Variants in XPA observed in about 807,000 individuals in gnomAD.
XPA encodes the protein XPA, DNA damage recognition and repair factor, also known as DNA repair protein complementing XP-A cells.
A neutral mutation model predicts 35.7 loss-of-function variants in XPA; 27 were observed. The ratio of observed to expected loss-of-function variants is 0.76; its 90% CI spans 0.56 to 1.04. XPA has a LOEUF of 1.04. XPA is among the 50% of genes least tolerant of loss of function. The pLI, the probability that XPA is intolerant of heterozygous loss-of-function variation, is 0.00. For synonymous variants in XPA, 133 were observed against 118.4 expected (o/e 1.12, Z -0.80); for missense variants, 354 against 342.7 (o/e 1.03, Z -0.26).
At chr9:97,684,699 C>T (rs766541264) in intron 5 of XPA, among the ~76,000 whole-genome samples, 1 of 152,164 alleles carries the variant, frequency 6.6e-6, no homozygotes, top group Admixed American at 6.5e-5. Flanking sequence ...ACATGATTCA[C>T]TTTAAGATGA....
At chr9:97,683,777 A>G (rs1051454578) in intron 5 of XPA, among the ~76,000 whole-genome samples, 9 of 152,142 alleles carry the variant, frequency 5.9e-5, no homozygotes, top group African/African-American at 2.2e-4. Flanking sequence ...GATTACAACA[A>G]CTTGTGTTCC....
At chr9:97,673,562 T>C (rs1056324758), downstream of XPA, 2 of 152,184 alleles carry the variant, frequency 1.3e-5, no homozygotes, top group Non-Finnish European at 2.9e-5. Flanking sequence ...CTTTAGTGTA[T>C]GGAAAAATTG....
chr9:97,660,704 T>C, the XPA span, among the ~76,000 whole-genome samples: 1 of 152,234 alleles, frequency 6.6e-6, no homozygotes, highest in African/African-American at 2.4e-5. Flanking sequence ...TTTACTTAGC[T>C]AAGTGTCCTT....
chr9:97,655,769 GTGA>G, the XPA span: 3 of 1,607,498 alleles, frequency 1.9e-6, no homozygotes, highest in Non-Finnish European at 2.5e-6. Flanking sequence ...AGATTGGTAA[GTGA>G]TGGTTTGTTT....
At chr9:97,695,223 T>TTAAAA (rs3176643) in intron 1 of XPA, among the ~76,000 whole-genome samples, 17,894 of 152,160 alleles carry the variant, frequency 0.12, 2,977 homozygotes, top group African/African-American at 0.36. Context: ...CCTCCATTTA[T>TTAAAA]TAAGACAGAT....
chr9:97,659,530 T>C, the XPA span, among the ~76,000 whole-genome samples: 196 of 152,316 alleles, frequency 1.3e-3, no homozygotes, highest in Admixed American at 1.9e-3. Context: ...AGAATAGATA[T>C]GATTATCAAA....
At chr9:97,682,899 T>C (rs1325605136) in intron 5 of XPA, among the ~76,000 whole-genome samples, 1 of 152,186 alleles carries the variant, frequency 6.6e-6, no homozygotes, top group Non-Finnish European at 1.5e-5. Context: ...ATAGAATTCT[T>C]ATTAAAAAAA....
chr9:97,671,237 T>C (rs1353827732), downstream of XPA: 1 of 1,397,532 alleles, frequency 7.2e-7, no homozygotes, highest in Non-Finnish European at 1.0e-6. Context: ...TTTTTTGATA[T>C]CTTAAAATAA....
chr9:97,666,526 G>C, the XPA span, among the ~76,000 whole-genome samples: 1 of 152,188 alleles, frequency 6.6e-6, no homozygotes, highest in Non-Finnish European at 1.5e-5. Flanking sequence ...TAAGAAAAAT[G>C]ACTACACAGT....
At chr9:97,666,522 A>G in the XPA span, among the ~76,000 whole-genome samples, 1 of 152,226 alleles carries the variant, frequency 6.6e-6, no homozygotes, top group Non-Finnish European at 1.5e-5. Context: ...GAAATAAGAA[A>G]AATGACTACA....
In XPA at chr9:97,675,393, T is replaced by G; in HGVS notation, c.*46A>C. On this transcript the variant is annotated 3_prime_UTR_variant, in exon 6 of 6. Transcript: ENST00000375128. Reference sequence around the variant, plus strand: ...TGAAAAGGACCAATCTAAATTTCCTTTATTTAAATATAAAATTCTATAAAA... The same window carrying G: ...TGAAAAGGACCAATCTAAATTTCCTGTATTTAAATATAAAATTCTATAAAA... 1 of 1,556,134 alleles carries G rather than the reference T, an allele frequency of 6.4e-7. No homozygotes were observed. The highest frequency in any genetic ancestry group is 8.7e-7 in the Non-Finnish European group (1 of 1,154,446).
the XPA span, chr9:97,654,801 T>C: frequency 8.3e-7 from 1 of 1,210,454 alleles, no homozygotes. Flanking sequence ...AGACTTGAAA[T>C]GTTTTATTTC....
chr9:97,682,674 C>T (rs1475763231), intron 5 of XPA, among the ~76,000 whole-genome samples: 2 of 152,008 alleles, frequency 1.3e-5, no homozygotes, highest in East Asian at 3.8e-4. Flanking sequence ...GAAACCAGAC[C>T]CAAGAGGTCT....
downstream of XPA, chr9:97,671,013 C>A: frequency 2.0e-6 from 2 of 989,952 alleles, no homozygotes; most frequent in Non-Finnish European, 3.1e-6. Flanking sequence ...GGGTGGGCTG[C>A]TGAAGGAAAT....
At chr9:97,691,960 C>A (rs1449628160) in intron 2 of XPA, among the ~76,000 whole-genome samples, 2 of 149,940 alleles carry the variant, frequency 1.3e-5, no homozygotes, top group Non-Finnish European at 3.0e-5. Context: ...GCTGAATGCT[C>A]CAACTCTCAG....
chr9:97,684,305 G>A (rs1294798497), intron 5 of XPA, among the ~76,000 whole-genome samples: 1 of 152,178 alleles, frequency 6.6e-6, no homozygotes, highest in Non-Finnish European at 1.5e-5. Context: ...ATACCTGGAT[G>A]GATAACAGGG....
the XPA span, among the ~76,000 whole-genome samples, chr9:97,656,961 T>TTTTTG: frequency 1.2e-3 from 184 of 152,214 alleles, no homozygotes; most frequent in African/African-American, 4.1e-3. Context: ...TGGAGTGTTT[T>TTTTTG]TTTTGTTTTG....
chr9:97,661,038 G>A, the XPA span: 2 of 1,612,700 alleles, frequency 1.2e-6, no homozygotes, highest in South Asian at 1.1e-5. Flanking sequence ...TCTGAAAGAT[G>A]TACCAAATCC....
At chr9:97,679,520 G>C (rs886486966) in intron 5 of XPA, among the ~76,000 whole-genome samples, 3 of 151,818 alleles carry the variant, frequency 2.0e-5, no homozygotes, top group Admixed American at 1.3e-4. Flanking sequence ...ATTGACTTCA[G>C]AATAAGAAAC....
Sources: allele counts gnomAD v4.1 joint callset (sites outside exome capture counted in the v4.1 genomes callset), GRCh38; gene constraint gnomAD v4.1.1; transcripts MANE v1.5; gene names NCBI Gene and HGNC (gene_info 2026-07-23, HGNC 2026-07-21).